LAMC3: variants seen among roughly 807,000 people sequenced by gnomAD.
LAMC3 encodes the protein laminin subunit gamma-3.
A neutral mutation model predicts 173.8 loss-of-function variants in LAMC3; 128 were observed. The ratio of observed to expected loss-of-function variants is 0.74; its 90% CI spans 0.64 to 0.85. The LOEUF (loss-of-function observed/expected upper bound fraction) is 0.85, where lower values mean the gene tolerates loss of function less well. LAMC3 is among the 40% of genes least tolerant of loss of function. The pLI, the probability that LAMC3 is intolerant of heterozygous loss-of-function variation, is 0.00. For synonymous variants in LAMC3, 897 were observed against 909.1 expected (o/e 0.99, Z 0.24); for missense variants, 2,022 against 2,156.0 (o/e 0.94, Z 1.23).
At chr9:131,010,631 G>C (rs1050393103) in intron 1 of LAMC3, among the ~76,000 whole-genome samples, 1 of 152,256 alleles carries the variant, frequency 6.6e-6, no homozygotes, top group Admixed American at 6.5e-5. Flanking sequence ...TCCTCGGGTG[G>C]GTTCTGGAAG....
intron 8 of LAMC3, among the ~76,000 whole-genome samples, chr9:131,047,165 C>CTTTTTGTTTTTTTTTTTTTTTT (rs1834182770): frequency 9.8e-6 from 1 of 102,164 alleles, no homozygotes; most frequent in Non-Finnish European, 1.9e-5. Flanking sequence ...CTGAATTCCT[C>CTTTTTGTTTTTTTTTTTTTTTT]TTTTTTTTTT....
chr9:131,050,392 G>A (rs1834259622), intron 9 of LAMC3, among the ~76,000 whole-genome samples: 1 of 152,174 alleles, frequency 6.6e-6, no homozygotes, highest in Admixed American at 6.5e-5. Flanking sequence ...TGAACACATC[G>A]ACCCTCTGGC....
At chr9:131,047,535 G>A (rs113570137) in intron 8 of LAMC3, among the ~76,000 whole-genome samples, 223 of 149,230 alleles carry the variant, frequency 1.5e-3, no homozygotes, top group Admixed American at 0.012. Context: ...TGGGTGGTTT[G>A]TATGGATATT....
intron 1 of LAMC3, among the ~76,000 whole-genome samples, chr9:131,019,033 C>A (rs1833581293): frequency 1.3e-5 from 2 of 152,216 alleles, no homozygotes; most frequent in South Asian, 4.1e-4. Context: ...GAGGCCGAGG[C>A]AGGCAAATCA....
intron 18 of LAMC3, among the ~76,000 whole-genome samples, chr9:131,071,979 C>G (rs897354696): frequency 6.6e-6 from 1 of 152,136 alleles, no homozygotes; most frequent in East Asian, 1.9e-4. Flanking sequence ...CATAGAAAAT[C>G]TTAATAAATG....
chr9:131,014,519 C>T (rs564296935), intron 1 of LAMC3, among the ~76,000 whole-genome samples: 116 of 152,368 alleles, frequency 7.6e-4, no homozygotes, highest in African/African-American at 2.5e-3. Context: ...GTCTGGATTA[C>T]ACTGCGTGAG....
In LAMC3 at chr9:131,092,471, G is replaced by A. The variant is rs1429463781; in HGVS notation, c.*684G>A. ...GCAGAATCTGAGGCCCAGAGACCCT[G>A]AGGCCGTGGCCAGGCCTGCTAGTCT... is the stretch of plus-strand genomic sequence containing the variant. On this transcript the variant is annotated 3_prime_UTR_variant, in exon 28 of 28. Transcript: ENST00000361069. 1 of 153,358 alleles carries A rather than the reference G, an allele frequency of 6.5e-6. No individual in the cohort carries two copies. The highest frequency in any genetic ancestry group is 2.4e-5 in the African/African-American group (1 of 41,468). The allele number at this position is 153,358 out of a possible 1,614,324, so 9.5% of individuals were successfully genotyped here. A position where few individuals can be genotyped will look rare whatever the true frequency, so the allele number is the denominator to read the frequency against.
At chr9:131,037,741 A>C (rs935833444) in intron 4 of LAMC3, among the ~76,000 whole-genome samples, 2 of 152,116 alleles carry the variant, frequency 1.3e-5, no homozygotes, top group Non-Finnish European at 2.9e-5. Context: ...CAGTCCTCCT[A>C]CCTTACCTTC....
At chr9:131,040,159 A>G (rs1236944933) in intron 6 of LAMC3, among the ~76,000 whole-genome samples, 4 of 150,932 alleles carry the variant, frequency 2.7e-5, no homozygotes, top group African/African-American at 4.9e-5. Context: ...GATTACAAGC[A>G]TGCACCACCA....
intron 1 of LAMC3, among the ~76,000 whole-genome samples, chr9:131,010,763 A>T (rs1192862239): frequency 6.6e-6 from 1 of 152,208 alleles, no homozygotes; most frequent in Non-Finnish European, 1.5e-5. Context: ...CCTGCTCATG[A>T]CTTGCCGAGG....
intron 25 of LAMC3, among the ~76,000 whole-genome samples, chr9:131,086,821 T>C (rs1830340446): frequency 6.7e-6 from 1 of 150,050 alleles, no homozygotes; most frequent in African/African-American, 2.5e-5. Flanking sequence ...ACCTGGGAGG[T>C]GGAGGTTGCA....
chr9:131,021,322 C>T (rs776187245), intron 1 of LAMC3: 37 of 152,112 alleles, frequency 2.4e-4, no homozygotes, highest in African/African-American at 5.1e-4. Flanking sequence ...TTAGTTTTTT[C>T]GGGAACCACC....
intron 13 of LAMC3, among the ~76,000 whole-genome samples, chr9:131,064,410 TC>T (rs1829885886): frequency 6.6e-6 from 1 of 152,192 alleles, no homozygotes; most frequent in African/African-American, 2.4e-5. Context: ...ACGCCTGTAA[TC>T]CCAGCACTTT....
At chr9:131,079,684 C>A (rs1022661414) in intron 23 of LAMC3, among the ~76,000 whole-genome samples, 1 of 151,922 alleles carries the variant, frequency 6.6e-6, no homozygotes, top group African/African-American at 2.4e-5. Flanking sequence ...CAGAGTGAGA[C>A]CCCATCTCAA....
chr9:131,074,000 G>A (rs1402360240), intron 20 of LAMC3, among the ~76,000 whole-genome samples: 6 of 137,876 alleles, frequency 4.4e-5, no homozygotes, highest in Non-Finnish European at 7.6e-5. Context: ...AGGCTGGAGT[G>A]CAGTGGCGCT....
chr9:131,076,147 T>G (rs1190579797), intron 21 of LAMC3, among the ~76,000 whole-genome samples, 182 bp downstream of exon 21: 4 of 152,136 alleles, frequency 2.6e-5, no homozygotes, highest in Non-Finnish European at 5.9e-5. Flanking sequence ...CACTCGGTGG[T>G]GAGTCGCAGT....
intron 1 of LAMC3, among the ~76,000 whole-genome samples, chr9:131,024,076 C>T (rs1833677497): frequency 6.7e-6 from 1 of 150,040 alleles, no homozygotes; most frequent in African/African-American, 2.4e-5. Flanking sequence ...CGTGTCATTT[C>T]TAAGAAGGCT....
At chr9:131,075,134 G>T (rs1369111880) in intron 20 of LAMC3, among the ~76,000 whole-genome samples, 2 of 152,132 alleles carry the variant, frequency 1.3e-5, no homozygotes, top group Admixed American at 1.3e-4. Context: ...CGGGCATGGT[G>T]GCACACACCT....
In LAMC3 at chr9:131,068,223, C is replaced by G; in HGVS notation, c.2739C>G (p.Gly913=). Residue 913 remains glycine, a synonymous_variant, in exon 15 of 28, where the codon GGC becomes GGG. Coordinates refer to ENST00000361069, the MANE Select transcript of LAMC3 (RefSeq NM_006059.4). ...TCTTCGACCTCCAGCCTGGGAGGGG[C>G]TGCCGGAGGTAGGTAGGGTGAGACT... ...PGFFDLQPGR[G]CRSCKCHPLG... 2 of 1,609,976 alleles carry G rather than the reference C, an allele frequency of 1.2e-6. No individual in the cohort carries two copies. Among genetic ancestry groups the G allele is most frequent in the Non-Finnish European group, 1.7e-6 (2 of 1,178,084 alleles).
Sources: allele counts gnomAD v4.1 joint callset (sites outside exome capture counted in the v4.1 genomes callset), GRCh38; gene constraint gnomAD v4.1.1; transcripts MANE v1.5; gene names NCBI Gene and HGNC (gene_info 2026-07-23, HGNC 2026-07-21).